The following PRKCA variants were observed in gnomAD, a reference collection of about 807,000 sequenced individuals.
PRKCA encodes the protein protein kinase C alpha type.
A neutral mutation model predicts 87.0 loss-of-function variants in PRKCA; 27 were observed. That is an observed-to-expected ratio of 0.31 (90% CI 0.23 to 0.43). The LOEUF is 0.43. Among genes scored for constraint, PRKCA ranks in the 20% least tolerant of loss-of-function variants. The probability of loss-of-function intolerance (pLI) is 1.00; values close to 1 mark genes in which losing one functional copy is unlikely to be tolerated. For synonymous variants in PRKCA, 329 were observed against 311.1 expected (o/e 1.06, Z -0.61); for missense variants, 518 against 852.3 (o/e 0.61, Z 4.88).
chr17:66,747,622 T>G (rs1974324954), intron 13 of PRKCA, among the ~76,000 whole-genome samples: 1 of 152,236 alleles, frequency 6.6e-6, no homozygotes, highest in Non-Finnish European at 1.5e-5. Flanking sequence ...AGCCCGTACG[T>G]TCTTTTTACC....
At chr17:66,488,215 T>C (rs1037326149) in intron 2 of PRKCA, among the ~76,000 whole-genome samples, 5 of 152,184 alleles carry the variant, frequency 3.3e-5, no homozygotes, top group Non-Finnish European at 7.3e-5. Context: ...CTGTGGAAAG[T>C]ACAGAAAACT....
intron 5 of PRKCA, among the ~76,000 whole-genome samples, chr17:66,659,224 G>T (rs1971822751): frequency 6.6e-6 from 1 of 152,176 alleles, no homozygotes; most frequent in Admixed American, 6.5e-5. Flanking sequence ...AGACTCTAGG[G>T]ACTCTGCAAA....
chr17:66,332,899 G>T (rs1048426016), intron 2 of PRKCA, among the ~76,000 whole-genome samples: 1 of 152,096 alleles, frequency 6.6e-6, no homozygotes, highest in Non-Finnish European at 1.5e-5. Flanking sequence ...CACCATGTTA[G>T]CCAGGATGGT....
At chr17:66,542,784 G>C (rs544578832) in intron 3 of PRKCA, among the ~76,000 whole-genome samples, 128 of 152,278 alleles carry the variant, frequency 8.4e-4, no homozygotes, top group African/African-American at 2.9e-3. Context: ...AGAAAGTACA[G>C]ATTAATGCTT....
intron 2 of PRKCA, among the ~76,000 whole-genome samples, chr17:66,489,408 A>G (rs1388604905): frequency 1.4e-5 from 2 of 140,448 alleles, no homozygotes; most frequent in African/African-American, 2.6e-5. Flanking sequence ...TCCCCCCTCA[A>G]TGAATATAGC....
intron 2 of PRKCA, among the ~76,000 whole-genome samples, chr17:66,414,198 A>G (rs1399995560): frequency 6.6e-6 from 1 of 151,896 alleles, no homozygotes; most frequent in East Asian, 1.9e-4. Context: ...CCAGTGTTGG[A>G]GGTGGGGTTT....
chr17:66,568,345 CTT>C (rs1211170727), intron 3 of PRKCA, among the ~76,000 whole-genome samples: 1 of 152,102 alleles, frequency 6.6e-6, no homozygotes, highest in Non-Finnish European at 1.5e-5. Context: ...TGTGCAGAGT[CTT>C]TATTTGTGGT....
chr17:66,752,423 C>T lies in PRKCA; in HGVS notation c.1524+9663C>T, dbSNP rs7223474. On this transcript the variant is annotated intron_variant, in intron 13 of 16. Coordinates refer to ENST00000413366, the MANE Select transcript of PRKCA (RefSeq NM_002737.3). Reference sequence around the variant, plus strand: ...CAGCCTGGCCAACATGGTGAAACCCCATCTCCACTAAAAATACAAAAAATT... The same window carrying T: ...CAGCCTGGCCAACATGGTGAAACCCTATCTCCACTAAAAATACAAAAAATT... Among the ~76,000 whole-genome samples, 1,128 of 152,210 alleles carry T rather than the reference C, an allele frequency of 7.4e-3. 16 individuals carry two copies. Among genetic ancestry groups the T allele is most frequent in the African/African-American group, 0.026 (1,072 of 41,522 alleles).
intron 8 of PRKCA, among the ~76,000 whole-genome samples, chr17:66,714,468 C>T (rs905391370): frequency 2.6e-5 from 4 of 152,210 alleles, no homozygotes; most frequent in African/African-American, 4.8e-5. Context: ...CTGTCCAAGT[C>T]CCCTGAGGGC....
At chr17:66,548,263 A>G (rs1274373484) in intron 3 of PRKCA, among the ~76,000 whole-genome samples, 2 of 152,202 alleles carry the variant, frequency 1.3e-5, no homozygotes, top group Non-Finnish European at 2.9e-5. Context: ...AAGGCCACCA[A>G]ACCTCACAGG....
intron 2 of PRKCA, among the ~76,000 whole-genome samples, chr17:66,355,680 C>T (rs1326363480): frequency 1.3e-5 from 2 of 152,112 alleles, no homozygotes; most frequent in African/African-American, 4.8e-5. Flanking sequence ...GCACAATGAA[C>T]CTGCCCATTG....
At chr17:66,440,683 G>A (rs1237071168) in intron 2 of PRKCA, among the ~76,000 whole-genome samples, 5 of 152,106 alleles carry the variant, frequency 3.3e-5, no homozygotes, top group Non-Finnish European at 5.9e-5. Context: ...CCCACAGACC[G>A]AGGGTGGGCT....
chr17:66,385,272 T>C (rs764086380), intron 2 of PRKCA, among the ~76,000 whole-genome samples: 1 of 152,086 alleles, frequency 6.6e-6, no homozygotes, highest in African/African-American at 2.4e-5. Context: ...AAGAGTGCAT[T>C]GAATCAAGTA....
intron 2 of PRKCA, among the ~76,000 whole-genome samples, chr17:66,482,110 A>AAAAAAAAG (rs1182815044): frequency 1.3e-5 from 2 of 151,022 alleles, no homozygotes; most frequent in South Asian, 4.2e-4. Flanking sequence ...AAAAAAAAAA[A>AAAAAAAAG]AAAAAAAGAA....
At position 66,364,940 on chromosome 17, in the gene PRKCA, A is replaced by G. The variant is rs1241882926; in HGVS notation, c.205+58813A>G. ...CACTTGCATACTGTTTCAGAACTGAAGAAGGTAAAATCTAATTGTACCAGG... is the reference window on the plus strand; with the variant it reads ...CACTTGCATACTGTTTCAGAACTGAGGAAGGTAAAATCTAATTGTACCAGG... On this transcript the variant is annotated intron_variant, in intron 2 of 16. Transcript: ENST00000413366. Among the ~76,000 whole-genome samples, 3 of 152,352 alleles carry G rather than the reference A, an allele frequency of 2.0e-5. No homozygotes were observed. The East Asian group carries it at 5.8e-4, about 29-fold the overall frequency.
intron 2 of PRKCA, among the ~76,000 whole-genome samples, chr17:66,315,641 G>A (rs534026086): frequency 3.3e-5 from 5 of 152,114 alleles, no homozygotes; most frequent in South Asian, 2.1e-4. Flanking sequence ...CATGATGCCC[G>A]GCTAATTTTT....
At chr17:66,489,360 T>TGC (rs1351820792) in intron 2 of PRKCA, among the ~76,000 whole-genome samples, 8 of 58,734 alleles carry the variant, frequency 1.4e-4, no homozygotes, top group African/African-American at 5.7e-4. Flanking sequence ...TGCATATATA[T>TGC]ATATATATAT....
intron 3 of PRKCA, among the ~76,000 whole-genome samples, chr17:66,562,170 ATATATATAATTAAG>A (rs1409034821): frequency 0.071 from 4,844 of 68,218 alleles, 885 homozygotes; most frequent in South Asian, 0.11. Context: ...ATATAATTAA[ATATATATAATTAAG>A]TTATATATAA....
At chr17:66,444,106 G>A (rs1231704261) in intron 2 of PRKCA, among the ~76,000 whole-genome samples, 1 of 152,160 alleles carries the variant, frequency 6.6e-6, no homozygotes, top group Admixed American at 6.5e-5. Context: ...CCAGTTCCTA[G>A]TACTGGTGTT....
Sources: gnomAD v4.1 joint callset for allele counts (sites outside exome capture counted in the v4.1 genomes callset) on GRCh38, gnomAD v4.1.1 for gene constraint, MANE v1.5 for transcripts, NCBI Gene and HGNC (gene_info 2026-07-23, HGNC 2026-07-21) for gene names.